The following RALGAPA2 variants were observed in gnomAD, a reference collection of about 807,000 sequenced individuals.
The protein encoded by RALGAPA2 is ral GTPase-activating protein subunit alpha-2.
In RALGAPA2, 139 loss-of-function variants were observed where a neutral mutation model predicts 230.4. The observed-to-expected ratio is 0.60, with a 90% confidence interval of 0.53 to 0.69. RALGAPA2 has a LOEUF of 0.69. RALGAPA2 is among the 30% of genes least tolerant of loss of function. The pLI, the probability that RALGAPA2 is intolerant of heterozygous loss-of-function variation, is 0.00. For missense variants in RALGAPA2, 2,163 were observed against 2,276.0 expected (o/e 0.95, Z 1.01); for synonymous variants, 847 against 837.8 (o/e 1.01, Z -0.19).
chr20:20,631,727 T>C (rs1485668653), intron 9 of RALGAPA2, among the ~76,000 whole-genome samples: 2 of 152,248 alleles, frequency 1.3e-5, no homozygotes, highest in Non-Finnish European at 2.9e-5. Context: ...TTTGTGAGAA[T>C]CTGCAATAGT....
At chr20:20,443,857 G>A (rs1341328907) in intron 37 of RALGAPA2, among the ~76,000 whole-genome samples, 2 of 152,232 alleles carry the variant, frequency 1.3e-5, no homozygotes. Context: ...AGAAACCATG[G>A]GGGAATCTCG....
chr20:20,707,752 G>C (rs1368933015), intron 1 of RALGAPA2, among the ~76,000 whole-genome samples: 1 of 152,052 alleles, frequency 6.6e-6, no homozygotes, highest in Non-Finnish European at 1.5e-5. Flanking sequence ...GCCAGCCTCA[G>C]CTTCTGCTTG....
At chr20:20,636,558 ATGTGTG>A (rs1290152116) in intron 8 of RALGAPA2, among the ~76,000 whole-genome samples, 3 of 134,830 alleles carry the variant, frequency 2.2e-5, no homozygotes, top group East Asian at 4.3e-4. Context: ...GTGTGTGTGT[ATGTGTG>A]TGTGTGTGTG....
At chr20:20,662,556 T>C (rs2067818024) in intron 3 of RALGAPA2, among the ~76,000 whole-genome samples, 1 of 152,194 alleles carries the variant, frequency 6.6e-6, no homozygotes, top group African/African-American at 2.4e-5. Context: ...ACTTACATAA[T>C]GAAATTATCA....
chr20:20,666,491 C>T (rs1333226362), intron 3 of RALGAPA2, among the ~76,000 whole-genome samples: 8 of 152,142 alleles, frequency 5.3e-5, no homozygotes, highest in Admixed American at 2.6e-4. Flanking sequence ...CGTGAAGTGG[C>T]CCTTACAGGA....
intron 18 of RALGAPA2, among the ~76,000 whole-genome samples, chr20:20,588,797 T>G (rs949067388): frequency 6.6e-6 from 1 of 152,162 alleles, no homozygotes; most frequent in Non-Finnish European, 1.5e-5. Flanking sequence ...CATGAATGAG[T>G]TATGGGCTTA....
chr20:20,623,511 A>C (rs1041239364), intron 10 of RALGAPA2, among the ~76,000 whole-genome samples: 4 of 152,010 alleles, frequency 2.6e-5, no homozygotes, highest in Non-Finnish European at 4.4e-5. Context: ...AAAAAAAAAA[A>C]AAAACAAATC....
intron 23 of RALGAPA2, among the ~76,000 whole-genome samples, chr20:20,547,163 T>C (rs2063796376): frequency 6.6e-6 from 1 of 152,194 alleles, no homozygotes; most frequent in Admixed American, 6.5e-5. Context: ...ATTAAAACCT[T>C]CAAATATCTA....
At chr20:20,428,528 C>A (rs2060434827) in intron 37 of RALGAPA2, among the ~76,000 whole-genome samples, 2 of 151,980 alleles carry the variant, frequency 1.3e-5, no homozygotes, top group Non-Finnish European at 2.9e-5. Flanking sequence ...TCCTTTGGAG[C>A]CATTTTGTAT....
chr20:20,411,972 T>C (rs1455098566), intron 38 of RALGAPA2, 55 bp downstream of exon 38: 2 of 1,602,998 alleles, frequency 1.2e-6, no homozygotes, highest in South Asian at 1.1e-5. Context: ...CAGGTGTACA[T>C]CTGCTGCTCG....
intron 4 of RALGAPA2, among the ~76,000 whole-genome samples, chr20:20,646,539 AAT>A (rs1481301553): frequency 6.6e-6 from 1 of 152,182 alleles, no homozygotes; most frequent in Non-Finnish European, 1.5e-5. Context: ...AATAAGATCT[AAT>A]TACTTGGGCT....
At chr20:20,455,886 C>T (rs376198091) in intron 37 of RALGAPA2, among the ~76,000 whole-genome samples, 1 of 152,094 alleles carries the variant, frequency 6.6e-6, no homozygotes, top group African/African-American at 2.4e-5. Context: ...AAGTCAAATA[C>T]AATTATGAGG....
At position 20,504,746 on chromosome 20, in the gene RALGAPA2, A is replaced by G. The variant is rs557151012; in HGVS notation, c.5052+665T>C. 4.6e-5 allele frequency among the ~76,000 whole-genome samples: 7 copies of G among 152,196 alleles called. No individual in the cohort carries two copies. In the South Asian group the frequency reaches 1.5e-3, roughly 32 times the overall value. Reference sequence around the variant, plus strand: ...TCTAAGAAAAGACAAAAAAAAAAGAAAAAAAGAAGTAAATTATTTTAGATA... The same window carrying G: ...TCTAAGAAAAGACAAAAAAAAAAGAGAAAAAGAAGTAAATTATTTTAGATA... On this transcript the variant is annotated intron_variant, in intron 34 of 39. Transcript: ENST00000202677.
At chr20:20,692,557 T>G (rs1328023927) in intron 1 of RALGAPA2, among the ~76,000 whole-genome samples, 1 of 152,224 alleles carries the variant, frequency 6.6e-6, no homozygotes, top group Admixed American at 6.5e-5. Flanking sequence ...GAGGACCTGA[T>G]ACTGCTGAGC....
At chr20:20,546,931 AAG>A in intron 23 of RALGAPA2, 99 bp from the exon 24 acceptor site, 1 of 1,224,530 alleles carries the variant, frequency 8.2e-7, no homozygotes, top group African/African-American at 1.5e-5. Flanking sequence ...ATAATAATCC[AAG>A]AGAGCACAGA....
chr20:20,707,065 A>C (rs904625016), intron 1 of RALGAPA2, among the ~76,000 whole-genome samples: 1 of 152,146 alleles, frequency 6.6e-6, no homozygotes, highest in African/African-American at 2.4e-5. Flanking sequence ...AACATGTAGA[A>C]CACCAAACTC....
At chr20:20,445,361 C>G (rs745480182) in intron 37 of RALGAPA2, among the ~76,000 whole-genome samples, 8 of 152,132 alleles carry the variant, frequency 5.3e-5, no homozygotes, top group Non-Finnish European at 7.3e-5. Context: ...GGCAGAAAGG[C>G]AGATGATGGA....
intron 1 of RALGAPA2, among the ~76,000 whole-genome samples, chr20:20,694,155 A>AT (rs2146938049): frequency 6.6e-6 from 1 of 152,124 alleles, no homozygotes; most frequent in Admixed American, 6.5e-5. Flanking sequence ...AAAAAAAAAA[A>AT]GTGAGGGAGG....
intron 37 of RALGAPA2, chr20:20,471,486 T>C (rs2061539649): frequency 6.6e-6 from 1 of 151,328 alleles, no homozygotes; most frequent in Non-Finnish European, 1.5e-5. Context: ...CTCGTCCTAG[T>C]TGACATGCAA....
Sources: gnomAD v4.1 joint callset for allele counts (sites outside exome capture counted in the v4.1 genomes callset) on GRCh38, gnomAD v4.1.1 for gene constraint, MANE v1.5 for transcripts, NCBI Gene and HGNC (gene_info 2026-07-23, HGNC 2026-07-21) for gene names.